SLC22A16: variants seen among roughly 807,000 people sequenced by gnomAD.
The protein encoded by SLC22A16 is WUGSC:RG331P03.1.
In SLC22A16, 53 loss-of-function variants were observed where a neutral mutation model predicts 52.9. That is an observed-to-expected ratio of 1.00 (90% CI 0.80 to 1.26). The LOEUF (loss-of-function observed/expected upper bound fraction) is 1.26, where lower values mean the gene tolerates loss of function less well. SLC22A16 is among the 50% of genes most tolerant of loss of function. The pLI is 0.00. For synonymous variants in SLC22A16, 291 were observed against 268.8 expected, an observed-to-expected ratio of 1.08 and a Z score of -0.81; for missense variants, 726 against 704.0, an observed-to-expected ratio of 1.03 and a Z score of -0.35.
rs1554229887 is a variant in SLC22A16, at chr6:110,476,507, G to GCCCCCCCCC, written c.53+14_53+15insGGGGGGGGG. Reference sequence around the variant, plus strand: ...GCCGCCTCCCGCGTGGCGCCGCGGGGCCCCTCCCCCATACCTGCCGAAGTG... The same window carrying GCCCCCCCCC: ...GCCGCCTCCCGCGTGGCGCCGCGGGGCCCCCCCCCCCCCTCCCCCATACCTGCCGAAGTG... On this transcript the variant is annotated intron_variant, in intron 1 of 7. Coordinates refer to ENST00000368919, the MANE Select transcript of SLC22A16 (RefSeq NM_033125.4). The GCCCCCCCCC allele has an allele frequency of 2.8e-6, 3 of 1,072,996 alleles. No individual in the cohort carries two copies. The highest frequency in any genetic ancestry group is 2.8e-5 in the African/African-American group (1 of 35,464). The allele number at this position is 1,072,996 out of a possible 1,614,324, so 66.5% of individuals were successfully genotyped here. A position where few individuals can be genotyped will look rare whatever the true frequency, so the allele number is the denominator to read the frequency against.
At chr6:110,466,545 C>T (rs1776068863) in intron 1 of SLC22A16, among the ~76,000 whole-genome samples, 2 of 152,008 alleles carry the variant, frequency 1.3e-5, no homozygotes, top group Non-Finnish European at 2.9e-5. Flanking sequence ...CACTAATCAT[C>T]AGAGAAATGC....
rs770434862 is a variant in SLC22A16, at chr6:110,442,567, A to AG, written c.859_860insC (p.Val287AlafsTer16). The AG allele has an allele frequency of 3.1e-6, 5 of 1,614,058 alleles. No homozygotes were observed. Among genetic ancestry groups the AG allele is most frequent in the Admixed American group, 1.7e-5 (1 of 59,998 alleles). ...AAGCCAAAAAGGTGTCTCTGGGAGC[A>AG]CCCAACAGCACAGGATAAAGGGGAC... is the stretch of plus-strand genomic sequence containing the variant. On this transcript the variant is annotated frameshift_variant, in exon 4 of 8. Transcript: ENST00000368919. LOFTEE classifies it high-confidence loss of function.
intron 1 of SLC22A16, among the ~76,000 whole-genome samples, chr6:110,466,537 C>T (rs1776068447): frequency 6.6e-6 from 1 of 152,072 alleles, no homozygotes; most frequent in Non-Finnish European, 1.5e-5. Flanking sequence ...CTCAATATCA[C>T]TAATCATCAG....
chr6:110,464,623 T>G (rs1775999076), intron 1 of SLC22A16, among the ~76,000 whole-genome samples: 1 of 151,830 alleles, frequency 6.6e-6, no homozygotes, highest in South Asian at 2.1e-4. Flanking sequence ...TAACGAGTAA[T>G]GAAATTGAAT....
intron 4 of SLC22A16, among the ~76,000 whole-genome samples, chr6:110,439,691 T>C (rs1445284528): frequency 6.6e-6 from 1 of 152,118 alleles, no homozygotes; most frequent in Non-Finnish European, 1.5e-5. Context: ...TAATATAAAA[T>C]ACAGGCAGCC....
chr6:110,468,999 G>C (rs182167317), intron 1 of SLC22A16, among the ~76,000 whole-genome samples: 20 of 152,150 alleles, frequency 1.3e-4, no homozygotes, highest in Non-Finnish European at 2.6e-4. Context: ...TTCAGAAGGT[G>C]TTTCTTCCTT....
intron 2 of SLC22A16, among the ~76,000 whole-genome samples, chr6:110,454,622 A>T (rs12193886): frequency 8.4e-4 from 38 of 45,106 alleles, no homozygotes; most frequent in East Asian, 3.2e-3. Flanking sequence ...TTTATATATA[A>T]TATATATTTA....
chr6:110,442,739 C>T lies in SLC22A16; in HGVS notation c.688G>A (p.Val230Met). The T allele has an allele frequency of 1.9e-6, 3 of 1,614,048 alleles. No individual in the cohort carries two copies. The highest frequency in any genetic ancestry group is 1.7e-6 in the Non-Finnish European group (2 of 1,179,968). The change falls in exon 4 of 8, where the codon GTG becomes ATG. Residue 230 changes from valine (V) to methionine (M), a missense_variant. Val to Met is a conservative substitution (Grantham distance 21, BLOSUM62 1). Coordinates refer to ENST00000368919, the MANE Select transcript of SLC22A16 (RefSeq NM_033125.4). Reference sequence around the variant, plus strand: ...GACTTCATGCCAATGAATTCCATCACATAGACAAACCCCACCACAAGATAG... The same window carrying T: ...GACTTCATGCCAATGAATTCCATCATATAGACAAACCCCACCACAAGATAG... ...SGYLVVGFVY[V>M]MEFIGMKSRT... is the part of the protein sequence containing the mutation.
At chr6:110,450,938 C>A (rs1775354660) in intron 2 of SLC22A16, among the ~76,000 whole-genome samples, 1 of 152,126 alleles carries the variant, frequency 6.6e-6, no homozygotes, top group Non-Finnish European at 1.5e-5. Flanking sequence ...TGGTGATAAT[C>A]TCTTGTTTTT....
intron 1 of SLC22A16, among the ~76,000 whole-genome samples, chr6:110,461,946 A>G (rs577872742): frequency 1.2e-3 from 183 of 152,368 alleles, no homozygotes; most frequent in Non-Finnish European, 2.4e-3. Context: ...TACAAAAGAA[A>G]GAGGTTTATT....
chr6:110,436,106 A>AT, intron 5 of SLC22A16, 145 bp from the exon 6 acceptor site: 2 of 599,834 alleles, frequency 3.3e-6, no homozygotes. Flanking sequence ...GTTTGAATGT[A>AT]TTAAACTCTA....
At chr6:110,439,029 A>G (rs897271850) in intron 4 of SLC22A16, among the ~76,000 whole-genome samples, 182 bp from the exon 5 acceptor site, 1 of 152,242 alleles carries the variant, frequency 6.6e-6, no homozygotes, top group African/African-American at 2.4e-5. Context: ...CACTACAGTA[A>G]AGATGAGCGT....
intron 1 of SLC22A16, 26 bp downstream of exon 1, chr6:110,476,496 G>A (rs1241503633): frequency 1.5e-6 from 2 of 1,359,282 alleles, no homozygotes; most frequent in Non-Finnish European, 1.9e-6. Flanking sequence ...CCTCCCGCGT[G>A]GCGCCGCGGG....
chr6:110,458,315 C>A (rs1775745507), intron 1 of SLC22A16, among the ~76,000 whole-genome samples: 1 of 152,140 alleles, frequency 6.6e-6, no homozygotes, highest in South Asian at 2.1e-4. Flanking sequence ...ACATTCAGGA[C>A]CACTACCAGT....
At chr6:110,474,401 T>C (rs1178596568) in intron 1 of SLC22A16, among the ~76,000 whole-genome samples, 3 of 152,228 alleles carry the variant, frequency 2.0e-5, no homozygotes, top group Admixed American at 1.3e-4. Flanking sequence ...TTATAAAGAA[T>C]AGATACCAAT....
At chr6:110,426,706 T>G (rs895175563) in intron 7 of SLC22A16, among the ~76,000 whole-genome samples, 18 of 152,162 alleles carry the variant, frequency 1.2e-4, no homozygotes, top group Non-Finnish European at 2.1e-4. Context: ...CCCCAGCATT[T>G]CAGGAGGCTT....
intron 1 of SLC22A16, among the ~76,000 whole-genome samples, chr6:110,467,535 G>C (rs188428697): frequency 6.6e-4 from 101 of 152,330 alleles, no homozygotes; most frequent in Non-Finnish European, 7.9e-4. Flanking sequence ...CCAGCACAGT[G>C]TGTAGTGCAG....
At position 110,430,627 on chromosome 6, in the gene SLC22A16, A is replaced by C. The variant is rs143787938; in HGVS notation, c.1521+544T>G. On this transcript the variant is annotated intron_variant, in intron 7 of 7. Transcript: ENST00000368919. ...TTCCCAGCCTCTCAGCCCCTACCTG[A>C]GGATCTGCAAACTAAGCGTCCCTGC... Among the ~76,000 whole-genome samples, 997 of 152,274 alleles carry C rather than the reference A, an allele frequency of 6.5e-3. 3 individuals carry two copies. Among genetic ancestry groups the C allele is most frequent in the Non-Finnish European group, 9.9e-3 (676 of 68,014 alleles).
At chr6:110,476,461 G>C in intron 1 of SLC22A16, 61 bp downstream of exon 1, 2 of 1,456,504 alleles carry the variant, frequency 1.4e-6, no homozygotes, top group Non-Finnish European at 1.8e-6. Flanking sequence ...CGCCGCAACG[G>C]AAAGAAACAG....
Sources: gnomAD v4.1 joint callset for allele counts (sites outside exome capture counted in the v4.1 genomes callset) on GRCh38, gnomAD v4.1.1 for gene constraint, MANE v1.5 for transcripts, NCBI Gene and HGNC (gene_info 2026-07-23, HGNC 2026-07-21) for gene names.